NIBAN1: variants seen among roughly 807,000 people sequenced by gnomAD.
NIBAN1 encodes niban apoptosis regulator 1.
Under a neutral mutation model 75.1 loss-of-function variants are expected in NIBAN1, and 81 were observed. That is an observed-to-expected ratio of 1.08 (90% CI 0.90 to 1.30). The LOEUF is 1.30. Ranked by LOEUF, NIBAN1 falls within the 50% of genes most tolerant of loss-of-function variation. NIBAN1 has a pLI of 0.00. For synonymous variants in NIBAN1, 436 were observed against 424.8 expected, an observed-to-expected ratio of 1.03 and a Z score of -0.32; for missense variants, 1,133 against 1,128.1, an observed-to-expected ratio of 1.00 and a Z score of -0.06.
chr1:184,961,138 G>T (rs1420022211), intron 1 of NIBAN1, among the ~76,000 whole-genome samples: 2 of 130,264 alleles, frequency 1.5e-5, no homozygotes, highest in Non-Finnish European at 3.1e-5. Context: ...GCGCGATCTC[G>T]GCTCACTGCA....
chr1:184,838,430 G>A (rs925226226), intron 5 of NIBAN1, among the ~76,000 whole-genome samples: 1 of 152,140 alleles, frequency 6.6e-6, no homozygotes, highest in Admixed American at 6.5e-5. Flanking sequence ...CCTGAGAAAC[G>A]ATAAGCATTT....
At chr1:184,899,693 G>T (rs1026978609) in intron 1 of NIBAN1, among the ~76,000 whole-genome samples, 4 of 150,866 alleles carry the variant, frequency 2.7e-5, no homozygotes, top group African/African-American at 7.3e-5. Flanking sequence ...CTTCTACCTC[G>T]CCCTCTCTCC....
intron 5 of NIBAN1, among the ~76,000 whole-genome samples, chr1:184,878,939 G>A (rs765882656): frequency 1.3e-5 from 2 of 152,136 alleles, no homozygotes; most frequent in Non-Finnish European, 2.9e-5. Context: ...GGGGAAGTTG[G>A]GGAGGGAAGG....
chr1:184,932,786 T>A (rs1345339337), intron 1 of NIBAN1, among the ~76,000 whole-genome samples: 1 of 152,228 alleles, frequency 6.6e-6, no homozygotes, highest in Admixed American at 6.5e-5. Flanking sequence ...AAGACAAGAT[T>A]TAGGCATAAG....
chr1:184,911,742 C>A (rs1657246569), intron 1 of NIBAN1, among the ~76,000 whole-genome samples: 1 of 152,306 alleles, frequency 6.6e-6, no homozygotes, highest in African/African-American at 2.4e-5. Context: ...CTGTATCCAA[C>A]TTTATATGAG....
chr1:184,957,907 C>T (rs1249417799), intron 1 of NIBAN1, among the ~76,000 whole-genome samples: 1 of 152,162 alleles, frequency 6.6e-6, no homozygotes, highest in Non-Finnish European at 1.5e-5. Context: ...GAAGAAGTTG[C>T]ATAAAGGTAT....
At chr1:184,959,742 G>A (rs1289403442) in intron 1 of NIBAN1, among the ~76,000 whole-genome samples, 8 of 152,186 alleles carry the variant, frequency 5.3e-5, no homozygotes, top group African/African-American at 1.9e-4. Context: ...CAGCCTTCTA[G>A]TCTAGGGCTA....
At chr1:184,808,771 G>T (rs1654282322) in intron 9 of NIBAN1, among the ~76,000 whole-genome samples, 1 of 152,208 alleles carries the variant, frequency 6.6e-6, no homozygotes, top group African/African-American at 2.4e-5. Flanking sequence ...GGTGCTAGTG[G>T]ATGGGAAGTG....
chr1:184,894,018 C>T, intron 3 of NIBAN1, 57 bp downstream of exon 3: 2 of 1,514,620 alleles, frequency 1.3e-6, no homozygotes, highest in Non-Finnish European at 1.8e-6. Context: ...CACCAATCAA[C>T]CGAGCCAAAC....
chr1:184,885,630 C>T (rs1656505941), intron 4 of NIBAN1, among the ~76,000 whole-genome samples: 1 of 152,170 alleles, frequency 6.6e-6, no homozygotes, highest in South Asian at 2.1e-4. Flanking sequence ...CTCTGCCCTG[C>T]ACTCTCTCCC....
chr1:184,823,291 A>G lies in NIBAN1; in HGVS notation c.861T>C (p.Val287=). Residue 287 remains valine, a synonymous_variant, in exon 8 of 14, where the codon GTT becomes GTC. Coordinates refer to ENST00000367511, the MANE Select transcript of NIBAN1 (RefSeq NM_052966.4). ...CCTTCAAGGCACTTAATCCTTCTGA[A>G]ACTTGATGCTGAACCAGGGTGTAGG... ...EEAYTLVQHQ[V]SEGLSALKEE... 1 of 1,614,108 alleles carries G rather than the reference A, an allele frequency of 6.2e-7. No homozygotes were observed. The highest frequency in any genetic ancestry group is 8.5e-7 in the Non-Finnish European group (1 of 1,180,004).
At chr1:184,827,954 T>C (rs912384913) in intron 6 of NIBAN1, among the ~76,000 whole-genome samples, 1 of 138,994 alleles carries the variant, frequency 7.2e-6, no homozygotes, top group Non-Finnish European at 1.5e-5. Context: ...GGTAGTTTTG[T>C]TTTTTGTTTT....
intron 5 of NIBAN1, among the ~76,000 whole-genome samples, chr1:184,833,145 C>T (rs111848537): frequency 1.3e-5 from 2 of 151,744 alleles, no homozygotes; most frequent in African/African-American, 4.8e-5. Flanking sequence ...GGAACCATCA[C>T]AGCTTTAGAC....
At chr1:184,931,672 G>T (rs1194321737) in intron 1 of NIBAN1, among the ~76,000 whole-genome samples, 1 of 152,158 alleles carries the variant, frequency 6.6e-6, no homozygotes, top group South Asian at 2.1e-4. Flanking sequence ...AAATGAAGTT[G>T]AGTTGCATTT....
chr1:184,908,469 C>A (rs2102001334), intron 1 of NIBAN1, among the ~76,000 whole-genome samples: 1 of 152,298 alleles, frequency 6.6e-6, no homozygotes, highest in Admixed American at 6.5e-5. Context: ...TTTCATGTTA[C>A]TATTCCCACT....
At chr1:184,881,846 T>C (rs930661997) in intron 5 of NIBAN1, among the ~76,000 whole-genome samples, 4 of 152,190 alleles carry the variant, frequency 2.6e-5, no homozygotes, top group African/African-American at 4.8e-5. Flanking sequence ...GGGTTTGGGC[T>C]GGCTCCTTTA....
intron 1 of NIBAN1, among the ~76,000 whole-genome samples, chr1:184,964,433 A>C (rs1375041630): frequency 6.6e-6 from 1 of 152,260 alleles, no homozygotes; most frequent in African/African-American, 2.4e-5. Context: ...GAGGCAGCAC[A>C]GCTCGGTTAA....
rs1162910408 is a variant in NIBAN1 at position 184,801,749 on chromosome 1, C to T, written c.1554+1836G>A. On this transcript the variant is annotated intron_variant, in intron 12 of 13. Transcript: ENST00000367511. ...TGCTGGGCTGGCACAATGCCTGGAT[C>T]ACATGTGATACAAATCTAATACATA... is the stretch of plus-strand genomic sequence containing the variant. Among the ~76,000 whole-genome samples, 4 of 152,332 alleles carry T rather than the reference C, an allele frequency of 2.6e-5. No homozygotes were observed. In the East Asian group the frequency reaches 7.7e-4, roughly 29 times the overall value.
At chr1:184,882,809 C>T (rs181841449) in intron 5 of NIBAN1, among the ~76,000 whole-genome samples, 50 of 152,226 alleles carry the variant, frequency 3.3e-4, no homozygotes, top group Middle Eastern at 3.4e-3. Context: ...CCTACTAGAC[C>T]GAGGCCCTAA....
Sources: allele counts gnomAD v4.1 joint callset (sites outside exome capture counted in the v4.1 genomes callset), GRCh38; gene constraint gnomAD v4.1.1; transcripts MANE v1.5; gene names NCBI Gene and HGNC (gene_info 2026-07-23, HGNC 2026-07-21).